Variants in RAB11FIP4 observed in about 807,000 individuals in gnomAD.
The protein encoded by RAB11FIP4 is RAB11 family interacting protein 4.
Under a neutral mutation model 74.3 loss-of-function variants are expected in RAB11FIP4, and 23 were observed. That is an observed-to-expected ratio of 0.31 (90% CI 0.22 to 0.44). The LOEUF (loss-of-function observed/expected upper bound fraction) is 0.44, where lower values mean the gene tolerates loss of function less well. Ranked by LOEUF, RAB11FIP4 falls within the 20% of genes least tolerant of loss-of-function variation. The pLI is 1.00. For synonymous variants in RAB11FIP4, 360 were observed against 359.9 expected, an observed-to-expected ratio of 1.00 and a Z score of 0.00; for missense variants, 630 against 863.9, an observed-to-expected ratio of 0.73 and a Z score of 3.39.
intron 3 of RAB11FIP4, among the ~76,000 whole-genome samples, chr17:31,452,496 A>G (rs1439922275): frequency 6.6e-6 from 1 of 152,148 alleles, no homozygotes; most frequent in African/African-American, 2.4e-5. Context: ...GATCTTAAGA[A>G]AATGCAGATT....
intron 1 of RAB11FIP4, among the ~76,000 whole-genome samples, chr17:31,419,152 T>C (rs2071175563): frequency 6.6e-6 from 1 of 152,190 alleles, no homozygotes; most frequent in South Asian, 2.1e-4. Flanking sequence ...TAGGTTTGGG[T>C]GATTATGTGT....
intron 1 of RAB11FIP4, among the ~76,000 whole-genome samples, chr17:31,418,575 C>T (rs1160578208): frequency 6.6e-6 from 1 of 150,404 alleles, no homozygotes; most frequent in Non-Finnish European, 1.5e-5. Context: ...GTGATTCTCC[C>T]GCCTCAGCCT....
rs1372192934 is a variant in RAB11FIP4 at position 31,528,547 on chromosome 17, G to A, written c.1494+4G>A. ...GGAGCGGGAGGCGACGCAGGAGGTA[G>A]GTCCCAGGCCAGCAGGCACCAGGGC... is the stretch of plus-strand genomic sequence containing the variant. On this transcript the variant is annotated splice_donor_region_variant and intron_variant, in intron 12 of 14. Transcript: ENST00000621161. 6.2e-7 allele frequency: 1 copy of A among 1,613,762 alleles called. No individual in the cohort carries two copies. The highest frequency in any genetic ancestry group is 1.1e-5 in the South Asian group (1 of 91,082).
At chr17:31,524,157 G>A (rs1402996878) in intron 9 of RAB11FIP4, 161 bp downstream of exon 9, 1 of 618,538 alleles carries the variant, frequency 1.6e-6, no homozygotes, top group Non-Finnish European at 2.9e-6. Context: ...CACATGTGGT[G>A]CCCAGGACAG....
At chr17:31,476,588 T>C (rs1314931548) in intron 3 of RAB11FIP4, among the ~76,000 whole-genome samples, 4 of 152,132 alleles carry the variant, frequency 2.6e-5, no homozygotes, top group Non-Finnish European at 5.9e-5. Flanking sequence ...CCTGGGCTGG[T>C]GGGGCACTAG....
chr17:31,515,022 C>T (rs2072520885), intron 3 of RAB11FIP4, among the ~76,000 whole-genome samples: 1 of 152,148 alleles, frequency 6.6e-6, no homozygotes, highest in Non-Finnish European at 1.5e-5. Flanking sequence ...CCTGCCCTGC[C>T]CTCTGGCTGG....
intron 1 of RAB11FIP4, among the ~76,000 whole-genome samples, chr17:31,407,039 G>GTTT (rs2071048730): frequency 1.6e-5 from 1 of 62,786 alleles, no homozygotes; most frequent in African/African-American, 5.2e-5. Context: ...TGTTTCACTT[G>GTTT]ATTTTTTTTT....
chr17:31,522,273 C>T (rs1597980570), intron 6 of RAB11FIP4, 87 bp from the exon 7 acceptor site: 1 of 1,430,712 alleles, frequency 7.0e-7, no homozygotes, highest in East Asian at 2.3e-5. Flanking sequence ...GAGCCTTGTC[C>T]TGCACTGTGG....
At chr17:31,423,832 G>A (rs572885308) in intron 1 of RAB11FIP4, among the ~76,000 whole-genome samples, 2 of 151,864 alleles carry the variant, frequency 1.3e-5, no homozygotes, top group Admixed American at 6.6e-5. Flanking sequence ...CTGTGATGCC[G>A]CCCTATCCAG....
chr17:31,463,054 C>T (rs1314206099), intron 3 of RAB11FIP4, among the ~76,000 whole-genome samples: 3 of 152,210 alleles, frequency 2.0e-5, no homozygotes, highest in Non-Finnish European at 4.4e-5. Context: ...TTGCTGGCTG[C>T]TGGCTCAGGG....
chr17:31,448,447 G>T (rs911421564), intron 3 of RAB11FIP4: 3 of 136,188 alleles, frequency 2.2e-5, no homozygotes, highest in Non-Finnish European at 3.0e-5. Context: ...GCCCAGGATG[G>T]TCTCAAACTC....
intron 3 of RAB11FIP4, among the ~76,000 whole-genome samples, chr17:31,499,474 G>A (rs959593884): frequency 1.3e-5 from 2 of 151,932 alleles, no homozygotes; most frequent in African/African-American, 4.8e-5. Flanking sequence ...TCCTGCCTCC[G>A]CCTCCCGAGT....
chr17:31,431,729 T>C, intron 1 of RAB11FIP4, 84 bp from the exon 2 acceptor site: 5 of 523,268 alleles, frequency 9.6e-6, no homozygotes, highest in Non-Finnish European at 1.2e-5. Context: ...TGTCCCTCCC[T>C]CCCTCCCAGC....
intron 1 of RAB11FIP4, among the ~76,000 whole-genome samples, chr17:31,396,862 T>G (rs912701631): frequency 8.5e-5 from 13 of 152,288 alleles, no homozygotes; most frequent in Admixed American, 2.6e-4. Flanking sequence ...CACCATCTCC[T>G]CTGGACAGTG....
chr17:31,462,782 G>A (rs1187104280), intron 3 of RAB11FIP4, among the ~76,000 whole-genome samples: 1 of 152,016 alleles, frequency 6.6e-6, no homozygotes, highest in Admixed American at 6.6e-5. Context: ...GATTATATGT[G>A]CGTGCCACCA....
At chr17:31,488,602 G>A (rs2071947765) in intron 3 of RAB11FIP4, among the ~76,000 whole-genome samples, 1 of 152,230 alleles carries the variant, frequency 6.6e-6, no homozygotes, top group Non-Finnish European at 1.5e-5. Context: ...GGTACCCAGC[G>A]CCGTACCCTT....
chr17:31,413,367 G>A (rs1297022172), intron 1 of RAB11FIP4, among the ~76,000 whole-genome samples: 1 of 152,092 alleles, frequency 6.6e-6, no homozygotes, highest in Admixed American at 6.5e-5. Flanking sequence ...AAACTATGCT[G>A]AGAGCCAGAG....
intron 1 of RAB11FIP4, chr17:31,431,521 G>A: frequency 3.1e-6 from 1 of 323,220 alleles, no homozygotes; most frequent in Non-Finnish European, 5.6e-6. Context: ...CAGAGCCTCG[G>A]CTTTCATTGT....
chr17:31,461,675 G>A (rs1487263699), intron 3 of RAB11FIP4, among the ~76,000 whole-genome samples: 2 of 151,444 alleles, frequency 1.3e-5, no homozygotes, highest in African/African-American at 2.4e-5. Context: ...ACCTGCCTCG[G>A]CCTCCCAAAG....
Sources: allele counts gnomAD v4.1 joint callset (sites outside exome capture counted in the v4.1 genomes callset), GRCh38; gene constraint gnomAD v4.1.1; transcripts MANE v1.5; gene names NCBI Gene and HGNC (gene_info 2026-07-23, HGNC 2026-07-21).